TET2: variants seen among roughly 807,000 people sequenced by gnomAD.
The protein encoded by TET2 is methylcytosine dioxygenase TET2.
TET2 carries 299 observed loss-of-function variants against 142.9 expected under a neutral mutation model. That is an observed-to-expected ratio of 2.09 (90% CI 1.90 to 2.30). TET2 has a LOEUF of 2.30. Among genes scored for constraint, TET2 ranks in the 30% most tolerant of loss-of-function variants. TET2 has a pLI of 0.00. For missense variants in TET2, 2,418 were observed against 2,378.0 expected (o/e 1.02, Z -0.35); for synonymous variants, 819 against 849.0 (o/e 0.96, Z 0.61).
chr4:105,276,774 T>C lies in TET2; in HGVS notation c.*255T>C. The C allele has an allele frequency of 2.4e-6, 1 of 413,582 alleles. No individual in the cohort carries two copies. The highest frequency in any genetic ancestry group is 4.3e-6 in the Non-Finnish European group (1 of 231,206). 25.6% of individuals were successfully genotyped at this position (413,582 alleles called of 1,614,324 possible). A position where few individuals can be genotyped will look rare whatever the true frequency, so the allele number is the denominator to read the frequency against. On this transcript the variant is annotated 3_prime_UTR_variant, in exon 11 of 11. Coordinates refer to ENST00000380013, the MANE Select transcript of TET2 (RefSeq NM_001127208.3). Reference sequence around the variant, plus strand: ...TGCAAAAAGAAGGTGGGGAAGAAAGTGTTCCGCAATTTACATTTTTAAACA... The same window carrying C: ...TGCAAAAAGAAGGTGGGGAAGAAAGCGTTCCGCAATTTACATTTTTAAACA...
chr4:105,186,473 CTTTT>C (rs1224419124), intron 1 of TET2, among the ~76,000 whole-genome samples: 2 of 115,102 alleles, frequency 1.7e-5, no homozygotes, highest in Admixed American at 9.2e-5. Flanking sequence ...TTTGCATTTT[CTTTT>C]TTTTTTTTTT....
At chr4:105,247,898 T>G (rs2017763) in intron 6 of TET2, among the ~76,000 whole-genome samples, 12,886 of 151,890 alleles carry the variant, frequency 0.085, 1,593 homozygotes, top group African/African-American at 0.27. Flanking sequence ...ATTTTTGTAC[T>G]TTTAGTAGAG....
chr4:105,236,788 A>G lies in TET2; in HGVS notation c.2846A>G (p.His949Arg), dbSNP rs778464072. 2.5e-5 allele frequency: 40 copies of G among 1,614,068 alleles called. No homozygotes were observed. The highest frequency in any genetic ancestry group is 4.0e-5 in the African/African-American group (3 of 74,952). Residue 949 changes from histidine to arginine, a missense_variant, in exon 3 of 11, where the codon CAT becomes CGT. Coordinates refer to ENST00000380013, the MANE Select transcript of TET2 (RefSeq NM_001127208.3). ...CCTCCCCAGAAGGACACTCAAAAGC[A>G]TGCTGCTCTAAGGTGGCATCTCTTA... ...QTPPQKDTQK[H>R]AALRWHLLQK...
chr4:105,229,331 A>T (rs1429099930), intron 2 of TET2, among the ~76,000 whole-genome samples: 1 of 152,176 alleles, frequency 6.6e-6, no homozygotes, highest in African/African-American at 2.4e-5. Flanking sequence ...TATTTTTTTG[A>T]GACAGAGTCT....
Position 105,234,604 on chromosome 4 carries a change from C to CA in TET2, c.663dup (p.His222ThrfsTer3), listed in dbSNP as rs770557964. The CA allele has an allele frequency of 6.2e-7, 1 of 1,614,066 alleles. No individual in the cohort carries two copies. The highest frequency in any genetic ancestry group is 2.2e-5 in the East Asian group (1 of 44,854). On this transcript the variant is annotated frameshift_variant, in exon 3 of 11. Transcript: ENST00000380013. LOFTEE classifies it high-confidence loss of function. ...GTTTCTGCCTCTTCCGTGGAACACA[C>CA]ACATGGTGAACTCCTGGAAAAAACA...
intron 1 of TET2, among the ~76,000 whole-genome samples, chr4:105,152,191 T>C (rs2110348118): frequency 6.6e-6 from 1 of 152,176 alleles, no homozygotes; most frequent in Admixed American, 6.5e-5. Context: ...ACAGGAGAAT[T>C]GCTTGAACCC....
intron 1 of TET2, among the ~76,000 whole-genome samples, chr4:105,182,220 G>A (rs1725160053): frequency 6.6e-6 from 1 of 152,200 alleles, no homozygotes; most frequent in African/African-American, 2.4e-5. Flanking sequence ...CTGATAGGCA[G>A]CAGGTGCACA....
chr4:105,191,510 CT>C lies in TET2; in HGVS notation c.-47+1014del, dbSNP rs199682090. On this transcript the variant is annotated intron_variant, in intron 2 of 10. Transcript: ENST00000380013. ...TAGATAGAAAAAAGGAAGAATTAGG[CT>C]TTTTTTTTGTCTATAATCCTTTTAG... Among the ~76,000 whole-genome samples the C allele has an allele frequency of 6.8e-3, 1,033 of 151,460 alleles. 5 individuals are homozygous for C. The highest frequency in any genetic ancestry group is 0.011 in the Non-Finnish European group (753 of 67,768).
intron 1 of TET2, chr4:105,147,786 CG>C (rs376629821): frequency 2.7e-4 from 38 of 139,902 alleles, no homozygotes; most frequent in African/African-American, 8.9e-4. Context: ...GAATCAGCTT[CG>C]TTTGGTTCCT....
chr4:105,205,531 T>G (rs960681892), intron 2 of TET2, among the ~76,000 whole-genome samples: 7 of 152,222 alleles, frequency 4.6e-5, no homozygotes, highest in Non-Finnish European at 8.8e-5. Flanking sequence ...ATAGGTACTA[T>G]TCTGATTTGT....
At chr4:105,246,412 A>T (rs1729585080) in intron 6 of TET2, among the ~76,000 whole-genome samples, 1 of 152,264 alleles carries the variant, frequency 6.6e-6, no homozygotes, top group African/African-American at 2.4e-5. Context: ...ATTAAAAGAC[A>T]TGCTTCAAAT....
At chr4:105,252,805 T>C (rs1273770209) in intron 6 of TET2, among the ~76,000 whole-genome samples, 1 of 152,174 alleles carries the variant, frequency 6.6e-6, no homozygotes, top group Non-Finnish European at 1.5e-5. Flanking sequence ...TTGCATTAAT[T>C]TTGCAAAAGC....
intron 3 of TET2, chr4:105,240,586 T>C: frequency 2.8e-6 from 3 of 1,079,600 alleles, no homozygotes; most frequent in Non-Finnish European, 3.4e-6. Flanking sequence ...ACTCCTACTG[T>C]CCCTCTTTGC....
intron 6 of TET2, among the ~76,000 whole-genome samples, chr4:105,256,297 A>G (rs1279361768): frequency 6.6e-6 from 1 of 152,154 alleles, no homozygotes; most frequent in African/African-American, 2.4e-5. Context: ...TTTGTAGGAC[A>G]TGCCTGAAAA....
chr4:105,276,045 G>C lies in TET2; in HGVS notation c.5535G>C (p.Glu1845Asp), dbSNP rs1457792385. Reference sequence around the variant, plus strand: ...CTTCTGGTGCAGAGGACAACGATGAGGTCTGGTCAGACAGCGAGCAGAGCT... The same window carrying C: ...CTTCTGGTGCAGAGGACAACGATGACGTCTGGTCAGACAGCGAGCAGAGCT... ...GVASGAEDND[E>D]VWSDSEQSFL... The change falls in exon 11 of 11, where the codon GAG becomes GAC. Residue 1845 changes from glutamate to aspartate, a missense_variant. By Grantham distance (45) the Glu-to-Asp change is conservative. Transcript: ENST00000380013. 1.3e-6 allele frequency: 2 copies of C among 1,551,694 alleles called. No homozygotes were observed. Among genetic ancestry groups the C allele is most frequent in the Admixed American group, 3.9e-5 (2 of 51,000 alleles).
At position 105,269,697 on chromosome 4, in the gene TET2, T is replaced by C. The variant is rs1405863391; in HGVS notation, c.4132T>C (p.Cys1378Arg). Reference protein sequence around the residue: ...FSGVTACLDFCAHAHRDLHNM... With the variant: ...FSGVTACLDFRAHAHRDLHNM... ...AGGGGTCACTGCATGTTTGGACTTC[T>C]GTGCTCATGCCCACAGAGACTTGCA... Residue 1378 changes from cysteine (C) to arginine (R), a missense_variant, in exon 9 of 11, where the codon TGT becomes CGT. Cys to Arg is a radical substitution (Grantham distance 180). Transcript: ENST00000380013. 3 of 1,551,684 alleles carry C rather than the reference T, an allele frequency of 1.9e-6. No individual in the cohort carries two copies. Among genetic ancestry groups the C allele is most frequent in the Non-Finnish European group, 2.6e-6 (3 of 1,146,958 alleles).
chr4:105,239,075 T>TTTTTTTG (rs1235088703), intron 3 of TET2: 34 of 81,104 alleles, frequency 4.2e-4, no homozygotes, highest in Non-Finnish European at 7.1e-4. Context: ...TTGTTTTTTG[T>TTTTTTTG]TTTTTTTTTT....
chr4:105,263,787 T>C (rs1443377996), intron 8 of TET2, among the ~76,000 whole-genome samples: 1 of 152,116 alleles, frequency 6.6e-6, no homozygotes, highest in Non-Finnish European at 1.5e-5. Flanking sequence ...GAGCCATCAA[T>C]CATTTTAGGC....
intron 8 of TET2, among the ~76,000 whole-genome samples, chr4:105,267,510 G>A (rs550494872): frequency 9.6e-4 from 141 of 146,766 alleles, no homozygotes; most frequent in African/African-American, 3.4e-3. Flanking sequence ...ACTGTGAGAC[G>A]TTAGAGTACA....
Sources: allele counts gnomAD v4.1 joint callset (sites outside exome capture counted in the v4.1 genomes callset), GRCh38; gene constraint gnomAD v4.1.1; transcripts MANE v1.5; gene names NCBI Gene and HGNC (gene_info 2026-07-23, HGNC 2026-07-21).